Variants in OSMR observed in about 807,000 individuals in gnomAD.
OSMR encodes oncostatin-M-specific receptor subunit beta.
Under a neutral mutation model 99.9 loss-of-function variants are expected in OSMR, and 81 were observed. The observed-to-expected ratio is 0.81, with a 90% CI of 0.68 to 0.97. OSMR has a LOEUF of 0.97. OSMR is among the 50% of genes least tolerant of loss of function. OSMR has a pLI of 0.00. For synonymous variants in OSMR, 406 were observed against 410.4 expected (o/e 0.99, Z 0.13); for missense variants, 1,099 against 1,153.4 (o/e 0.95, Z 0.68).
At chr5:38,937,753 A>G (rs962366759), downstream of OSMR, among the ~76,000 whole-genome samples, 1 of 152,218 alleles carries the variant, frequency 6.6e-6, no homozygotes, top group African/African-American at 2.4e-5. This position sits in a 1 kb window ranked among gnomAD's most constrained non-coding sequence, Gnocchi z 4.0. Context: ...GAAGTGTTTA[A>G]GAAGAGTATT....
chr5:38,944,710 T>G, intron 2 of OSMR: 1 of 895,174 alleles, frequency 1.1e-6, no homozygotes, highest in Non-Finnish European at 1.7e-6. Flanking sequence ...GGAGCAAAAC[T>G]CTAATAAAAG....
intron 4 of OSMR, 41 bp downstream of exon 4, chr5:38,881,805 T>C (rs1237536937): frequency 6.6e-7 from 1 of 1,524,868 alleles, no homozygotes; most frequent in Non-Finnish European, 9.1e-7. Context: ...AGGGTTAATA[T>C]ATTTTTTAAT....
intron 1 of OSMR, among the ~76,000 whole-genome samples, chr5:38,849,247 CA>C (rs1740158202): frequency 6.6e-6 from 1 of 152,166 alleles, no homozygotes; most frequent in Non-Finnish European, 1.5e-5. Context: ...ATTCCTGTGT[CA>C]AAGGGTTTGC....
Position 38,846,206 on chromosome 5 carries a change from G to A in OSMR, c.-195G>A, listed in dbSNP as rs537699813. On this transcript the variant is annotated 5_prime_UTR_variant, in exon 1 of 18. Coordinates refer to ENST00000274276, the MANE Select transcript of OSMR (RefSeq NM_003999.3). ...GCCCTCGGTGGCTTTTCCGACGGGC[G>A]AGCCCCGTGCTGTGCGGGAAAGAAT... 1.3e-5 allele frequency: 2 copies of A among 152,216 alleles called. No homozygotes were observed. The allele number at this position is 152,216 out of a possible 1,614,324, so 9.4% of individuals were successfully genotyped here. A position where few individuals can be genotyped will look rare whatever the true frequency, so the allele number is the denominator to read the frequency against.
intron 4 of OSMR, among the ~76,000 whole-genome samples, chr5:38,883,484 A>G (rs896096110): frequency 6.6e-6 from 1 of 152,250 alleles, no homozygotes; most frequent in Admixed American, 6.5e-5. Flanking sequence ...GAGATAATGT[A>G]CATAAACACT....
rs1243158953 is a variant in OSMR at position 38,919,026 on chromosome 5, G to C, written c.1549G>C (p.Ala517Pro). 6.2e-7 allele frequency: 1 copy of C among 1,614,000 alleles called. No individual in the cohort carries two copies. Among genetic ancestry groups the C allele is most frequent in the Non-Finnish European group, 8.5e-7 (1 of 1,179,930 alleles). The change falls in exon 11 of 18, where the codon GCT (alanine) becomes CCT (proline). Residue 517 changes from alanine to proline, a missense_variant. Transcript: ENST00000274276. ...IANNSVGASP[A>P]SVIVISADPE... ...CAACAACAGTGTGGGTGCTTCTCCT[G>C]CTTCTGTAATAGTCATCTCTGCAGA...
chr5:38,887,296 A>G (rs1382737423), intron 7 of OSMR, among the ~76,000 whole-genome samples: 1 of 152,198 alleles, frequency 6.6e-6, no homozygotes, highest in African/African-American at 2.4e-5. Context: ...TCCTACCCCA[A>G]GATCAGAAGG....
rs1339956821 is a variant in OSMR, at chr5:38,909,557, A to G, written c.1285+5054A>G. ...TTTTCATCAGAAATGCTACAAGCCA[A>G]AAGAGATTGGGGCCTGTACTGAACA... On this transcript the variant is annotated intron_variant, in intron 9 of 17. Transcript: ENST00000274276. Among the ~76,000 whole-genome samples the G allele has an allele frequency of 3.3e-5, 5 of 152,336 alleles. No homozygotes were observed. The East Asian group carries it at 7.7e-4, about 24-fold the overall frequency.
chr5:38,870,586 A>G (rs1481945464), intron 2 of OSMR, among the ~76,000 whole-genome samples: 2 of 152,224 alleles, frequency 1.3e-5, no homozygotes, highest in African/African-American at 2.4e-5. Flanking sequence ...GCAGAGTCCA[A>G]TTAAAATGAG....
At chr5:38,944,469 T>C in intron 2 of OSMR, 2 of 1,610,806 alleles carry the variant, frequency 1.2e-6, no homozygotes, top group Non-Finnish European at 1.7e-6. Context: ...TCTCATGACA[T>C]TTAGTTGAAA....
chr5:38,928,637 C>T (rs1018804850), intron 15 of OSMR, among the ~76,000 whole-genome samples: 31 of 152,050 alleles, frequency 2.0e-4, no homozygotes, highest in African/African-American at 7.0e-4. Flanking sequence ...TCCCATGACA[C>T]GTAGGGATTA....
chr5:38,944,645 T>C, intron 2 of OSMR: 1 of 1,304,806 alleles, frequency 7.7e-7, no homozygotes. Flanking sequence ...AATTTATTTT[T>C]AAACTTCACC....
chr5:38,876,502 C>T (rs1742852059), intron 3 of OSMR, 129 bp downstream of exon 3: 2 of 744,152 alleles, frequency 2.7e-6, no homozygotes, highest in East Asian at 2.7e-5. Flanking sequence ...TTTGTCTAAA[C>T]AATTACATTT....
At position 38,933,618 on chromosome 5, in the gene OSMR, T is replaced by C; in HGVS notation, c.*174T>C. ...GGCCAGAGGCTATGGAACTTAACAC[T>C]CCCCATTGGAGCAAGCTTGCCCTAG... On this transcript the variant is annotated 3_prime_UTR_variant, in exon 18 of 18. Coordinates refer to ENST00000274276, the MANE Select transcript of OSMR (RefSeq NM_003999.3). 1 of 669,814 alleles carries C rather than the reference T, an allele frequency of 1.5e-6. No individual in the cohort carries two copies. The highest frequency in any genetic ancestry group is 2.6e-6 in the Non-Finnish European group (1 of 387,594). 41.5% of individuals were successfully genotyped at this position (669,814 alleles called of 1,614,324 possible). A position where few individuals can be genotyped will look rare whatever the true frequency, so the allele number is the denominator to read the frequency against.
chr5:38,875,119 G>A (rs535669887), intron 2 of OSMR, among the ~76,000 whole-genome samples: 1 of 152,318 alleles, frequency 6.6e-6, no homozygotes, highest in South Asian at 2.1e-4. Flanking sequence ...AAAACTGAAT[G>A]CTTAAAAGAT....
intron 1 of OSMR, among the ~76,000 whole-genome samples, chr5:38,864,439 G>T (rs1741770588): frequency 6.6e-6 from 1 of 152,002 alleles, no homozygotes; most frequent in African/African-American, 2.4e-5. Context: ...TAGGGCTGGT[G>T]TAGAGGGGAT....
intron 9 of OSMR, 87 bp downstream of exon 9, chr5:38,904,590 A>T: frequency 1.3e-6 from 2 of 1,517,780 alleles, no homozygotes; most frequent in Non-Finnish European, 1.8e-6. Context: ...TGTACCAAAA[A>T]CTAAGAGAAA....
chr5:38,916,830 T>C (rs1162651418), intron 9 of OSMR, among the ~76,000 whole-genome samples: 1 of 152,152 alleles, frequency 6.6e-6, no homozygotes, highest in African/African-American at 2.4e-5. Flanking sequence ...TTTGTAGAGC[T>C]TTCACGAAGT....
intron 8 of OSMR, 62 bp from the exon 9 acceptor site, chr5:38,904,291 C>T (rs753975594): frequency 1.9e-6 from 3 of 1,562,330 alleles, no homozygotes; most frequent in Non-Finnish European, 1.7e-6. Context: ...GGGATGCACT[C>T]ACCAATGTTT....
Sources: allele counts gnomAD v4.1 joint callset (sites outside exome capture counted in the v4.1 genomes callset), GRCh38; gene constraint gnomAD v4.1.1; non-coding constraint Gnocchi (gnomAD v3.1); transcripts MANE v1.5; gene names NCBI Gene and HGNC (gene_info 2026-07-23, HGNC 2026-07-21).